The following IKBKE variants were observed in gnomAD, a reference collection of about 807,000 sequenced individuals.
IKBKE encodes the protein inhibitor of nuclear factor kappa B kinase subunit epsilon.
A neutral mutation model predicts 92.1 loss-of-function variants in IKBKE; 45 were observed. The ratio of observed to expected loss-of-function variants is 0.49; its 90% CI spans 0.38 to 0.63. The LOEUF (loss-of-function observed/expected upper bound fraction) is 0.63. Among genes scored for constraint, IKBKE ranks in the 20% least tolerant of loss-of-function variants. The pLI, the probability that IKBKE is intolerant of heterozygous loss-of-function variation, is 0.00. For synonymous variants in IKBKE, 374 were observed against 380.3 expected, an observed-to-expected ratio of 0.98 and a Z score of 0.19; for missense variants, 700 against 932.8, an observed-to-expected ratio of 0.75 and a Z score of 3.25.
rs2103472569 is a variant in IKBKE at position 206,485,265 on chromosome 1, G to C, written c.1575G>C (p.Arg525=). The change falls in exon 15 of 22, where the codon CGG becomes CGC. Residue 525 remains arginine, a synonymous_variant. Coordinates refer to ENST00000581977, the MANE Select transcript of IKBKE (RefSeq NM_014002.4). The surrounding 1 kb of genome is among the most constrained non-coding windows in gnomAD (Gnocchi z 5.0). ...AGGAGAGCCTGAGCAGCCTGAACCG[G>C]GAGCTGGTGAAGAGCCGGGATCAGG... The part of the protein sequence containing the change: ...ETQESLSSLN[R]ELVKSRDQVH... 6.2e-7 allele frequency: 1 copy of C among 1,613,944 alleles called. No individual in the cohort carries two copies.
Position 206,476,947 on chromosome 1 carries a change from C to G in IKBKE, c.701+109C>G, listed in dbSNP as rs1665099913. 1 of 1,191,438 alleles carries G rather than the reference C, an allele frequency of 8.4e-7. No individual in the cohort carries two copies. Among genetic ancestry groups the G allele is most frequent in the African/African-American group, 1.5e-5 (1 of 65,896 alleles). The allele number at this position is 1,191,438 out of a possible 1,614,324, so 73.8% of individuals were successfully genotyped here. ...TCCCCTCACACTCCATGGCCCTCCT[C>G]TGGTCCACCCCCCAACCCAGGCTCT... On this transcript the variant is annotated intron_variant, in intron 7 of 21. Coordinates refer to ENST00000581977, the MANE Select transcript of IKBKE (RefSeq NM_014002.4). The surrounding 1 kb of genome is among the most constrained non-coding windows in gnomAD (Gnocchi z 5.1).
chr1:206,477,411 G>A (rs1473631094), intron 7 of IKBKE, among the ~76,000 whole-genome samples: 2 of 152,194 alleles, frequency 1.3e-5, no homozygotes, highest in African/African-American at 4.8e-5. Flanking sequence ...GTCAGGGAAG[G>A]CTGGACTCTG....
intron 13 of IKBKE, among the ~76,000 whole-genome samples, chr1:206,481,742 C>T (rs970363909): frequency 2.2e-5 from 3 of 138,992 alleles, no homozygotes; most frequent in Admixed American, 1.5e-4. Context: ...GAGGCAACCA[C>T]GGAGGCCTTC....
Position 206,480,436 on chromosome 1 carries a change from C to G in IKBKE, c.1341-11C>G. On this transcript the variant is annotated splice_polypyrimidine_tract_variant and intron_variant, in intron 12 of 21. Coordinates refer to ENST00000581977, the MANE Select transcript of IKBKE (RefSeq NM_014002.4). ...ATCAAGGCAGCTCTGACTCAGTCTC[C>G]CCTTGGACAGGGAGGTGCTCCAGGC... 1 of 1,611,408 alleles carries G rather than the reference C, an allele frequency of 6.2e-7. No individual in the cohort carries two copies. Among genetic ancestry groups the G allele is most frequent in the South Asian group, 1.1e-5 (1 of 90,956 alleles).
Position 206,476,867 on chromosome 1 carries a change from G to T in IKBKE, c.701+29G>T. On this transcript the variant is annotated intron_variant, in intron 7 of 21. Transcript: ENST00000581977. This position sits in a 1 kb window ranked among gnomAD's most constrained non-coding sequence, Gnocchi z 5.1. The stretch of plus-strand genomic sequence containing the variant: ...CGGTGGGCCACAGGGCAGGGAATGG[G>T]GCGGACTGGCAGTCCCCTGGCCCTT... 2 of 1,612,386 alleles carry T rather than the reference G, an allele frequency of 1.2e-6. No homozygotes were observed. The highest frequency in any genetic ancestry group is 1.7e-6 in the Non-Finnish European group (2 of 1,178,632).
chr1:206,487,886 A>G lies in IKBKE; in HGVS notation c.1617-28A>G, dbSNP rs2103477010. On this transcript the variant is annotated intron_variant, in intron 15 of 21. Transcript: ENST00000581977. This position sits in a 1 kb window ranked among gnomAD's most constrained non-coding sequence, Gnocchi z 5.3. The stretch of plus-strand genomic sequence containing the variant: ...TCCTCTGTGCTATTAGATTCTTCCA[A>G]CACCTGGTCCCTGTCTCCTGCCCAC... 1.3e-6 allele frequency: 2 copies of G among 1,597,612 alleles called. No individual in the cohort carries two copies. The highest frequency in any genetic ancestry group is 2.2e-5 in the South Asian group (2 of 90,008).
chr1:206,477,874 G>GC lies in IKBKE; in HGVS notation c.812+16dup. On this transcript the variant is annotated intron_variant, in intron 8 of 21. Transcript: ENST00000581977. ...CAGCTGTCACTGTGAGTGGGACCCTGCTGGGGGGTGATGCTGGAGTCTGAG... is the reference window on the plus strand; with the variant it reads ...CAGCTGTCACTGTGAGTGGGACCCTGCCTGGGGGGTGATGCTGGAGTCTGAG... 2.0e-6 allele frequency: 3 copies of GC among 1,485,672 alleles called. No homozygotes were observed. The highest frequency in any genetic ancestry group is 2.8e-6 in the Non-Finnish European group (3 of 1,088,228). 92.0% of individuals were successfully genotyped at this position (1,485,672 alleles called of 1,614,324 possible). A position where few individuals can be genotyped will look rare whatever the true frequency, so the allele number is the denominator to read the frequency against.
At chr1:206,494,020 G>A (rs782268700) in intron 21 of IKBKE, 29 bp downstream of exon 21, 14 of 1,602,738 alleles carry the variant, frequency 8.7e-6, no homozygotes, top group Middle Eastern at 1.6e-4. Flanking sequence ...GTGTAGGTCA[G>A]GGCCGGGTCT....
Position 206,485,354 on chromosome 1 carries a change from A to G in IKBKE, c.1616+48A>G. The G allele has an allele frequency of 8.8e-7, 1 of 1,140,182 alleles. No homozygotes were observed. The highest frequency in any genetic ancestry group is 1.3e-6 in the Non-Finnish European group (1 of 751,114). The allele number at this position is 1,140,182 out of a possible 1,614,324, so 70.6% of individuals were successfully genotyped here. On this transcript the variant is annotated intron_variant, in intron 15 of 21. Transcript: ENST00000581977. This position sits in a 1 kb window ranked among gnomAD's most constrained non-coding sequence, Gnocchi z 5.0. ...GTGGGGTGGGAGTGGGGGAGTGGGC[A>G]GCTCCAAAGGTCCAGTAACCTTTAG...
intron 2 of IKBKE, among the ~76,000 whole-genome samples, chr1:206,472,583 A>ACACT (rs1553384081): frequency 2.4e-4 from 35 of 146,746 alleles, no homozygotes; most frequent in Non-Finnish European, 4.4e-4. Context: ...ACACACACAC[A>ACACT]CTCTCACACA....
intron 16 of IKBKE, among the ~76,000 whole-genome samples, chr1:206,489,661 A>C (rs538818776): frequency 7.2e-5 from 11 of 152,004 alleles, no homozygotes; most frequent in Non-Finnish European, 1.3e-4. Context: ...GTGAGCTAAG[A>C]TCACACCACT....
intron 18 of IKBKE, chr1:206,492,613 TC>T: frequency 2.1e-6 from 1 of 474,988 alleles, no homozygotes; most frequent in Non-Finnish European, 4.4e-6. Context: ...ATGTTCCTGT[TC>T]CTTCACTCCA....
In IKBKE at chr1:206,491,155, G is replaced by T. The variant is rs541318514; in HGVS notation, c.1733+297G>T. On this transcript the variant is annotated intron_variant, in intron 17 of 21. Transcript: ENST00000581977. ...ACTGATGCACCACTTACCACTTCCT[G>T]CTTCTGCCCTCTGCCTGAACCTTCC... The T allele has an allele frequency of 1.6e-4, 78 of 489,114 alleles. No homozygotes were observed. The East Asian group carries it at 2.8e-3, about 17-fold the overall frequency. 30.3% of individuals were successfully genotyped at this position (489,114 alleles called of 1,614,324 possible). A position where few individuals can be genotyped will look rare whatever the true frequency, so the allele number is the denominator to read the frequency against.
intron 1 of IKBKE, 137 bp downstream of exon 1, chr1:206,470,835 A>T (rs1553383692): frequency 6.6e-6 from 1 of 152,220 alleles, no homozygotes; most frequent in East Asian, 1.9e-4. Context: ...TGTGTGTGGC[A>T]TGGAGGTGAG....
chr1:206,491,337 C>CA (rs1237825756), intron 17 of IKBKE: 1 of 385,110 alleles, frequency 2.6e-6, no homozygotes, highest in Non-Finnish European at 4.9e-6. Flanking sequence ...CACACACCTT[C>CA]TTTCCACGGC....
At chr1:206,482,135 C>T (rs573132865) in intron 13 of IKBKE, among the ~76,000 whole-genome samples, 10 of 152,032 alleles carry the variant, frequency 6.6e-5, no homozygotes, top group East Asian at 1.9e-4. Context: ...GGAAGGTCTG[C>T]GCAGAGACAG....
rs782510975 is a variant in IKBKE at position 206,479,851 on chromosome 1, A to T, written c.1184-19A>T. On this transcript the variant is annotated intron_variant, in intron 10 of 21. Coordinates refer to ENST00000581977, the MANE Select transcript of IKBKE (RefSeq NM_014002.4). ...AGCACCATACAGGCAGGCCCCTCAG[A>T]CAGGGTCTTTGTCTGCAGCTGCTCT... The T allele has an allele frequency of 3.1e-6, 5 of 1,613,358 alleles. No individual in the cohort carries two copies. The highest frequency in any genetic ancestry group is 4.2e-6 in the Non-Finnish European group (5 of 1,179,798).
intron 17 of IKBKE, chr1:206,491,424 CCCA>C: frequency 2.1e-6 from 1 of 469,478 alleles, no homozygotes; most frequent in Non-Finnish European, 4.0e-6. Flanking sequence ...CTGTGTGTCT[CCCA>C]CGTCTCCCTG....
At position 206,478,122 on chromosome 1, in the gene IKBKE, C is replaced by G; in HGVS notation, c.813-38C>G. 1 of 1,583,592 alleles carries G rather than the reference C, an allele frequency of 6.3e-7. No homozygotes were observed. Among genetic ancestry groups the G allele is most frequent in the Non-Finnish European group, 8.6e-7 (1 of 1,158,582 alleles). On this transcript the variant is annotated intron_variant, in intron 8 of 21. Transcript: ENST00000581977. The surrounding 1 kb of genome is among the most constrained non-coding windows in gnomAD (Gnocchi z 4.8). ...CCTGCTTAAGGAGGATAGGTCTGGG[C>G]CCCCACCCCTGACAGTCTCCATGTC...
Sources: gnomAD v4.1 joint callset for allele counts (sites outside exome capture counted in the v4.1 genomes callset) on GRCh38, gnomAD v4.1.1 for gene constraint, Gnocchi (gnomAD v3.1) non-coding constraint, MANE v1.5 for transcripts, NCBI Gene and HGNC (gene_info 2026-07-23, HGNC 2026-07-21) for gene names.